Variants in EIF2S1 observed in about 807,000 individuals in gnomAD.
EIF2S1 encodes the protein eukaryotic translation initiation factor 2 subunit alpha.
A neutral mutation model predicts 33.5 loss-of-function variants in EIF2S1; 5 were observed. The ratio of observed to expected loss-of-function variants is 0.15; its 90% CI spans 0.08 to 0.31. EIF2S1 has a LOEUF of 0.31. Among genes scored for constraint, EIF2S1 ranks in the 10% least tolerant of loss-of-function variants. EIF2S1 has a pLI of 1.00. For missense variants in EIF2S1, 191 were observed against 384.6 expected, an observed-to-expected ratio of 0.50 and a Z score of 4.21; for synonymous variants, 99 against 127.5, an observed-to-expected ratio of 0.78 and a Z score of 1.51.
intron 2 of EIF2S1, among the ~76,000 whole-genome samples, chr14:67,373,142 G>A (rs1338609066): frequency 1.3e-5 from 2 of 152,142 alleles, no homozygotes; most frequent in East Asian, 3.9e-4. Flanking sequence ...AAATTAACAT[G>A]TACTTAATAT....
At chr14:67,362,272 G>A (rs1038865963) in intron 1 of EIF2S1, among the ~76,000 whole-genome samples, 3 of 151,746 alleles carry the variant, frequency 2.0e-5, no homozygotes, top group South Asian at 4.2e-4. Context: ...CACCCGCCTC[G>A]GCCTCCCAAA....
chr14:67,366,010 CTA>C (rs1226509260), intron 2 of EIF2S1, among the ~76,000 whole-genome samples: 3 of 151,552 alleles, frequency 2.0e-5, no homozygotes, highest in Non-Finnish European at 4.4e-5. Flanking sequence ...TACTTTGAGA[CTA>C]TTTGTTAAAC....
At chr14:67,375,369 C>A (rs2141142036) in intron 3 of EIF2S1, among the ~76,000 whole-genome samples, 1 of 152,058 alleles carries the variant, frequency 6.6e-6, no homozygotes, top group South Asian at 2.1e-4. Flanking sequence ...GATCCTCTCG[C>A]CTCTGCCTCC....
intron 7 of EIF2S1, 65 bp from the exon 8 acceptor site, chr14:67,383,250 G>C: frequency 6.5e-7 from 1 of 1,539,114 alleles, no homozygotes; most frequent in Non-Finnish European, 8.9e-7. Flanking sequence ...GGCAGTAATA[G>C]TATTGAAATT....
At chr14:67,368,410 A>T (rs2085795296) in intron 2 of EIF2S1, among the ~76,000 whole-genome samples, 1 of 152,148 alleles carries the variant, frequency 6.6e-6, no homozygotes, top group Admixed American at 6.6e-5. Flanking sequence ...TCCCCACCTG[A>T]CGGAGGGGCA....
intron 3 of EIF2S1, 145 bp from the exon 4 acceptor site, chr14:67,376,294 A>T (rs1232686512): frequency 9.0e-6 from 7 of 775,612 alleles, no homozygotes; most frequent in Non-Finnish European, 1.4e-5. Context: ...TACTTTTTAT[A>T]CCCACTTAAA....
chr14:67,368,205 G>C (rs1168786435), intron 2 of EIF2S1, among the ~76,000 whole-genome samples: 3 of 152,224 alleles, frequency 2.0e-5, no homozygotes, highest in Non-Finnish European at 2.9e-5. Context: ...AGGCAGAGCA[G>C]CGTAAACGGC....
intron 3 of EIF2S1, among the ~76,000 whole-genome samples, chr14:67,376,066 G>A (rs2085856309): frequency 2.6e-5 from 4 of 152,038 alleles, no homozygotes; most frequent in Non-Finnish European, 1.5e-5. Flanking sequence ...TTTTTTTATC[G>A]TGATTCTCTC....
intron 2 of EIF2S1, among the ~76,000 whole-genome samples, chr14:67,368,677 T>A (rs2085797823): frequency 6.6e-6 from 1 of 152,112 alleles, no homozygotes; most frequent in South Asian, 2.1e-4. Context: ...TTACATTTTA[T>A]GTGCAGTAGT....
chr14:67,383,669 C>A lies in EIF2S1; in HGVS notation c.*229C>A. The A allele has an allele frequency of 4.3e-6, 2 of 465,204 alleles. No homozygotes were observed. Among genetic ancestry groups the A allele is most frequent in the Non-Finnish European group, 7.7e-6 (2 of 258,362 alleles). The allele number at this position is 465,204 out of a possible 1,614,324, so 28.8% of individuals were successfully genotyped here. On this transcript the variant is annotated 3_prime_UTR_variant, in exon 8 of 8. Transcript: ENST00000256383. Reference sequence around the variant, plus strand: ...CATTTTTAAGGGAGTGGCCTCATTTCACTAGAGACAAATCTTTAAGAATAG... The same window carrying A: ...CATTTTTAAGGGAGTGGCCTCATTTAACTAGAGACAAATCTTTAAGAATAG...
In EIF2S1 at chr14:67,364,799, A is replaced by G. The variant is rs144522814; in HGVS notation, c.32A>G (p.His11Arg). Residue 11 changes from histidine (H) to arginine (R), a missense_variant, in exon 2 of 8, where the codon CAC becomes CGC. Coordinates refer to ENST00000256383, the MANE Select transcript of EIF2S1 (RefSeq NM_004094.5). MPGLSCRFYQ[H>R]KFPEVEDVVM... Reference sequence around the variant, plus strand: ...GGTCTAAGTTGTAGATTTTATCAACACAAATTTCCTGAGGTGGAAGATGTA... The same window carrying G: ...GGTCTAAGTTGTAGATTTTATCAACGCAAATTTCCTGAGGTGGAAGATGTA... 1.9e-6 allele frequency: 3 copies of G among 1,613,810 alleles called. No homozygotes were observed. The highest frequency in any genetic ancestry group is 2.5e-6 in the Non-Finnish European group (3 of 1,179,816).
At chr14:67,380,501 T>A (rs8008724) in intron 4 of EIF2S1, among the ~76,000 whole-genome samples, 158 bp from the exon 5 acceptor site, 2 of 152,096 alleles carry the variant, frequency 1.3e-5, no homozygotes, top group East Asian at 1.9e-4. Context: ...AGTGCAAAGC[T>A]AAGATTTGAA....
intron 2 of EIF2S1, among the ~76,000 whole-genome samples, chr14:67,373,229 G>A (rs1354432302): frequency 6.6e-6 from 1 of 152,174 alleles, no homozygotes; most frequent in African/African-American, 2.4e-5. Flanking sequence ...GGCTTCAGGG[G>A]TGATGGAACT....
rs1445941386 is a variant in EIF2S1, at chr14:67,385,532, C to T, written c.*2092C>T. On this transcript the variant is annotated 3_prime_UTR_variant, in exon 8 of 8. Transcript: ENST00000256383. ...CATCTACTCCCTACTGTACCTTTCACTGATGTCAAGTGGCTATCAATTCAT... is the reference window on the plus strand; with the variant it reads ...CATCTACTCCCTACTGTACCTTTCATTGATGTCAAGTGGCTATCAATTCAT... 6.6e-6 allele frequency: 1 copy of T among 151,884 alleles called. No individual in the cohort carries two copies. Among genetic ancestry groups the T allele is most frequent in the Non-Finnish European group, 1.5e-5 (1 of 67,976 alleles). The allele number at this position is 151,884 out of a possible 1,614,324, so 9.4% of individuals were successfully genotyped here.
intron 4 of EIF2S1, among the ~76,000 whole-genome samples, chr14:67,380,292 C>CA (rs753052725): frequency 1.3e-5 from 2 of 152,118 alleles, no homozygotes; most frequent in Non-Finnish European, 2.9e-5. Flanking sequence ...CTGATGCCCA[C>CA]AGATGTACTG....
rs1369833352 is a variant in EIF2S1 at position 67,360,397 on chromosome 14, T to G, written c.-61T>G. 7 of 395,258 alleles carry G rather than the reference T, an allele frequency of 1.8e-5. No homozygotes were observed. The Admixed American group carries it at 2.7e-4, about 15-fold the overall frequency. The allele number at this position is 395,258 out of a possible 1,614,324, so 24.5% of individuals were successfully genotyped here. A position where few individuals can be genotyped will look rare whatever the true frequency, so the allele number is the denominator to read the frequency against. ...GCCGGTGAGGGGGAAGCAAGTCTGG[T>G]CTCTGTGATTGAAGAAGTCGGCTCT... is the stretch of plus-strand genomic sequence containing the variant. On this transcript the variant is annotated 5_prime_UTR_variant, in exon 1 of 8. Transcript: ENST00000256383.
chr14:67,372,458 C>T (rs2085828853), intron 2 of EIF2S1, among the ~76,000 whole-genome samples: 1 of 152,174 alleles, frequency 6.6e-6, no homozygotes, highest in Non-Finnish European at 1.5e-5. Flanking sequence ...AAATTAAGAA[C>T]TTATGTTCTT....
At chr14:67,362,569 T>G (rs1222331722) in intron 1 of EIF2S1, among the ~76,000 whole-genome samples, 3 of 152,118 alleles carry the variant, frequency 2.0e-5, no homozygotes, top group Non-Finnish European at 4.4e-5. Flanking sequence ...AAGCAGCCAC[T>G]TCTAGTAAGT....
At chr14:67,361,917 T>G (rs929404890) in intron 1 of EIF2S1, among the ~76,000 whole-genome samples, 5 of 152,232 alleles carry the variant, frequency 3.3e-5, no homozygotes, top group Admixed American at 3.3e-4. Flanking sequence ...GTTCATTGCT[T>G]CACTGTGCCC....
Sources: gnomAD v4.1 joint callset for allele counts (sites outside exome capture counted in the v4.1 genomes callset) on GRCh38, gnomAD v4.1.1 for gene constraint, MANE v1.5 for transcripts, NCBI Gene and HGNC (gene_info 2026-07-23, HGNC 2026-07-21) for gene names.